CACNA2D2: variants seen among roughly 807,000 people sequenced by gnomAD.
CACNA2D2 encodes voltage-dependent calcium channel subunit alpha-2/delta-2.
Under a neutral mutation model 166.4 loss-of-function variants are expected in CACNA2D2, and 48 were observed. The observed-to-expected ratio is 0.29, with a 90% CI of 0.23 to 0.37. CACNA2D2 has a LOEUF of 0.37. Among genes scored for constraint, CACNA2D2 ranks in the 10% least tolerant of loss-of-function variants. The pLI is 1.00. For synonymous variants in CACNA2D2, 561 were observed against 573.7 expected, an observed-to-expected ratio of 0.98 and a Z score of 0.32; for missense variants, 1,122 against 1,433.0, an observed-to-expected ratio of 0.78 and a Z score of 3.50.
chr3:50,367,957 C>T lies in CACNA2D2; in HGVS notation c.2144-55G>A, dbSNP rs1575587070. 3 of 1,347,170 alleles carry T rather than the reference C, an allele frequency of 2.2e-6. No homozygotes were observed. Among genetic ancestry groups the T allele is most frequent in the Non-Finnish European group, 3.1e-6 (3 of 953,588 alleles). The allele number at this position is 1,347,170 out of a possible 1,614,324, so 83.5% of individuals were successfully genotyped here. ...GGGCATCTTCTTGCAGCTCCTTGCC[C>T]ACCCTCACCCCCACCCTTAAGGCTC... is the stretch of plus-strand genomic sequence containing the variant. On this transcript the variant is annotated intron_variant, in intron 24 of 37. Transcript: ENST00000424201. The surrounding 1 kb of genome is among the most constrained non-coding windows in gnomAD (Gnocchi z 6.5).
chr3:50,436,351 T>C (rs1255853882), intron 2 of CACNA2D2, among the ~76,000 whole-genome samples: 2 of 152,216 alleles, frequency 1.3e-5, no homozygotes, highest in African/African-American at 2.4e-5. Flanking sequence ...GGGCTGTCCA[T>C]GGCTGTGTAC....
chr3:50,396,593 T>C (rs1001087263), intron 3 of CACNA2D2, among the ~76,000 whole-genome samples: 7 of 152,028 alleles, frequency 4.6e-5, no homozygotes, highest in Non-Finnish European at 7.4e-5. Flanking sequence ...GCAGTGACCT[T>C]GTGTAGAGGG....
Position 50,434,399 on chromosome 3 carries a change from C to T in CACNA2D2, c.319G>A (p.Val107Ile), listed in dbSNP as rs756356268. Reference protein sequence around the residue: ...IYKDNRNLFEVQENEPQKLVE... With the variant: ...IYKDNRNLFEIQENEPQKLVE... Reference sequence around the variant, plus strand: ...AACTTCTGAGGCTCATTCTCCTGTACCTCGAACAGGTTCCGGTTGTCCTTG... The same window carrying T: ...AACTTCTGAGGCTCATTCTCCTGTATCTCGAACAGGTTCCGGTTGTCCTTG... Residue 107 changes from valine to isoleucine, a missense_variant, in exon 3 of 38, where the codon GTA (valine) becomes ATA (isoleucine). Val to Ile is a conservative substitution (Grantham distance 29). Around this residue, in one of 2 missense-constraint regions of CACNA2D2, gnomAD observed 840 missense variants for 1,166.8 expected, o/e 0.72. Transcript: ENST00000424201. 6.2e-7 allele frequency: 1 copy of T among 1,614,180 alleles called. No homozygotes were observed. The highest frequency in any genetic ancestry group is 1.7e-5 in the Admixed American group (1 of 60,026).
At chr3:50,448,470 T>C (rs1307247718) in intron 2 of CACNA2D2, among the ~76,000 whole-genome samples, 4 of 152,174 alleles carry the variant, frequency 2.6e-5, no homozygotes, top group African/African-American at 9.7e-5. Context: ...GTGATGGTGC[T>C]TCCATGGGCA....
chr3:50,364,598 G>A lies in CACNA2D2; in HGVS notation c.*68C>T. On this transcript the variant is annotated 3_prime_UTR_variant, in exon 38 of 38. Transcript: ENST00000424201. ...ACGAGGCTCTAAGGCGGGGAGTGTG[G>A]GGCAGGAGGGTGGGAAAGGCGAAGA... is the stretch of plus-strand genomic sequence containing the variant. 2.8e-6 allele frequency: 4 copies of A among 1,440,658 alleles called. No homozygotes were observed. Among genetic ancestry groups the A allele is most frequent in the Non-Finnish European group, 3.7e-6 (4 of 1,093,992 alleles). 89.2% of individuals were successfully genotyped at this position (1,440,658 alleles called of 1,614,324 possible).
chr3:50,451,989 G>A, intron 2 of CACNA2D2, among the ~76,000 whole-genome samples: 1 of 152,160 alleles, frequency 6.6e-6, no homozygotes, highest in South Asian at 2.1e-4. Context: ...GTGGATGCTG[G>A]GCTGCATCAC....
In CACNA2D2 at chr3:50,376,268, C is replaced by T; in HGVS notation, c.1627-80G>A. On this transcript the variant is annotated intron_variant, in intron 17 of 37. Transcript: ENST00000424201. The surrounding 1 kb of genome is among the most constrained non-coding windows in gnomAD (Gnocchi z 4.3). Reference sequence around the variant, plus strand: ...GGCTCCGGAGTTCTTCCCTATTTGGCCTCCCACCGCACCGAGAGATTCTGT... The same window carrying T: ...GGCTCCGGAGTTCTTCCCTATTTGGTCTCCCACCGCACCGAGAGATTCTGT... 7.1e-7 allele frequency: 1 copy of T among 1,409,790 alleles called. No homozygotes were observed. The highest frequency in any genetic ancestry group is 1.2e-5 in the South Asian group (1 of 83,662). 87.3% of individuals were successfully genotyped at this position (1,409,790 alleles called of 1,614,324 possible).
intron 2 of CACNA2D2, among the ~76,000 whole-genome samples, chr3:50,454,246 G>A (rs1485084955): frequency 2.0e-5 from 3 of 152,246 alleles, no homozygotes; most frequent in Admixed American, 6.5e-5. Context: ...GAGTCCAGGA[G>A]GCCTCAGGAA....
At chr3:50,489,233 G>A (rs1473905020) in intron 1 of CACNA2D2, among the ~76,000 whole-genome samples, 1 of 152,162 alleles carries the variant, frequency 6.6e-6, no homozygotes, top group Non-Finnish European at 1.5e-5. Context: ...CTACCACACA[G>A]CAGGCATATG....
chr3:50,409,060 G>C (rs1240099192), intron 3 of CACNA2D2, among the ~76,000 whole-genome samples: 1 of 152,138 alleles, frequency 6.6e-6, no homozygotes, highest in Non-Finnish European at 1.5e-5. Context: ...CTGAGGGAGA[G>C]ACCCTTCTAG....
At chr3:50,414,433 C>G (rs1707173004) in intron 3 of CACNA2D2, among the ~76,000 whole-genome samples, 1 of 152,232 alleles carries the variant, frequency 6.6e-6, no homozygotes, top group Non-Finnish European at 1.5e-5. Flanking sequence ...GAGTCCTCAA[C>G]ATGAGGTCAA....
At position 50,364,024 on chromosome 3, in the gene CACNA2D2, G is replaced by C. The variant is rs1176820052; in HGVS notation, c.*642C>G. ...TGTGTGTTTGTGCGTGTGCCCAGTG[G>C]GGTATGTCGAATGTGAGTCCAGTTT... is the stretch of plus-strand genomic sequence containing the variant. On this transcript the variant is annotated 3_prime_UTR_variant, in exon 38 of 38. Coordinates refer to ENST00000424201, the MANE Select transcript of CACNA2D2 (RefSeq NM_006030.4). 6.5e-6 allele frequency: 1 copy of C among 153,058 alleles called. No homozygotes were observed. Among genetic ancestry groups the C allele is most frequent in the Non-Finnish European group, 1.5e-5 (1 of 68,662 alleles). 9.5% of individuals were successfully genotyped at this position (153,058 alleles called of 1,614,324 possible).
intron 13 of CACNA2D2, 52 bp from the exon 14 acceptor site, chr3:50,378,385 T>C (rs1705105025): frequency 3.9e-6 from 6 of 1,521,642 alleles, no homozygotes; most frequent in Middle Eastern, 1.7e-4. Context: ...GCAGGATCCA[T>C]GTGCAGAGGG....
chr3:50,375,206 C>T lies in CACNA2D2; in HGVS notation c.1908-393G>A, dbSNP rs1252708306. On this transcript the variant is annotated intron_variant, in intron 21 of 37. Coordinates refer to ENST00000424201, the MANE Select transcript of CACNA2D2 (RefSeq NM_006030.4). This position sits in a 1 kb window ranked among gnomAD's most constrained non-coding sequence, Gnocchi z 4.0. ...CCAGCCCCCAGATACTCAAAGCCAGCAGAAAGCAGGGCTGGCGCAGATATG... is the reference window on the plus strand; with the variant it reads ...CCAGCCCCCAGATACTCAAAGCCAGTAGAAAGCAGGGCTGGCGCAGATATG... Among the ~76,000 whole-genome samples, 1 of 152,240 alleles carries T rather than the reference C, an allele frequency of 6.6e-6. No individual in the cohort carries two copies.
At chr3:50,476,301 AC>A in intron 1 of CACNA2D2, 102 bp from the exon 2 acceptor site, 1 of 850,684 alleles carries the variant, frequency 1.2e-6, no homozygotes. Flanking sequence ...ATCCACTCAC[AC>A]CCCAATTTTC....
chr3:50,366,145 C>T lies in CACNA2D2; in HGVS notation c.2728G>A (p.Glu910Lys). ...GCCAGCATCAGGTTGGCATCCACCT[C>T]ACTGAAGAACCTGCCCACCTGAGGA... is the stretch of plus-strand genomic sequence containing the variant. ...QWDQVGRFFSEVDANLMLALY... is the reference protein window; with the variant it reads ...QWDQVGRFFSKVDANLMLALY... Residue 910 changes from glutamate (E) to lysine (K), a missense_variant, in exon 32 of 38, where the codon GAG (glutamate) becomes AAG (lysine). Glu to Lys is a moderately conservative substitution (Grantham distance 56). Transcript: ENST00000424201. This position sits in a 1 kb window ranked among gnomAD's most constrained non-coding sequence, Gnocchi z 5.9. The T allele has an allele frequency of 6.2e-7, 1 of 1,614,000 alleles. No homozygotes were observed. The highest frequency in any genetic ancestry group is 8.5e-7 in the Non-Finnish European group (1 of 1,179,966).
At chr3:50,442,193 C>T (rs1708630670) in intron 2 of CACNA2D2, among the ~76,000 whole-genome samples, 1 of 152,156 alleles carries the variant, frequency 6.6e-6, no homozygotes, top group Non-Finnish European at 1.5e-5. Context: ...ATGAGGTCTC[C>T]CTACTACAGA....
chr3:50,499,596 G>A (rs1698870324), intron 1 of CACNA2D2, among the ~76,000 whole-genome samples: 1 of 152,192 alleles, frequency 6.6e-6, no homozygotes, highest in Non-Finnish European at 1.5e-5. Flanking sequence ...AGCTGGCAGT[G>A]TCCACCCATA....
chr3:50,461,703 G>T (rs1274876105), intron 2 of CACNA2D2, among the ~76,000 whole-genome samples: 1 of 150,328 alleles, frequency 6.7e-6, no homozygotes, highest in African/African-American at 2.5e-5. Context: ...AGAGGTTGCG[G>T]TGAGCCGAGA....
Sources: allele counts gnomAD v4.1 joint callset (sites outside exome capture counted in the v4.1 genomes callset), GRCh38; gene constraint gnomAD v4.1.1; regional missense constraint gnomAD v4.1.1; non-coding constraint Gnocchi (gnomAD v3.1); transcripts MANE v1.5; gene names NCBI Gene and HGNC (gene_info 2026-07-23, HGNC 2026-07-21).